SETD1B: variants seen among roughly 807,000 people sequenced by gnomAD.
The protein encoded by SETD1B is histone-lysine N-methyltransferase SETD1B.
Under a neutral mutation model 148.0 loss-of-function variants are expected in SETD1B, and 7 were observed. The ratio of observed to expected loss-of-function variants is 0.05; its 90% CI spans 0.03 to 0.09. SETD1B has a LOEUF of 0.09. Ranked by LOEUF, SETD1B falls within the 10% of genes least tolerant of loss-of-function variation. The pLI, the probability that SETD1B is intolerant of heterozygous loss-of-function variation, is 1.00. For synonymous variants in SETD1B, 1,361 were observed against 1,186.5 expected, an observed-to-expected ratio of 1.15 and a Z score of -3.02; for missense variants, 2,155 against 2,729.9, an observed-to-expected ratio of 0.79 and a Z score of 4.69.
the SETD1B span, chr12:121,793,038 C>G: frequency 6.6e-6 from 6 of 902,584 alleles, no homozygotes; most frequent in African/African-American, 8.3e-5. Context: ...AGTGAAGAGC[C>G]GGCCAAGGCC....
At position 121,825,161 on chromosome 12, in the gene SETD1B, G is replaced by A. The variant is rs1164925356; in HGVS notation, c.5171-39G>A. On this transcript the variant is annotated intron_variant, in intron 12 of 16. Transcript: ENST00000604567. The stretch of plus-strand genomic sequence containing the variant: ...CCAGTCTATGAAGGGACCAGAAGGG[G>A]CTCTCAGAATGTCCATGTGGCCCTT... 3 of 1,545,270 alleles carry A rather than the reference G, an allele frequency of 1.9e-6. No individual in the cohort carries two copies. In the East Asian group the frequency reaches 7.3e-5, roughly 38 times the overall value.
At chr12:121,829,407 G>T (rs1461656087) in intron 16 of SETD1B, among the ~76,000 whole-genome samples, 2 of 152,316 alleles carry the variant, frequency 1.3e-5, no homozygotes, top group East Asian at 3.9e-4. Context: ...GATCTGGACT[G>T]AAGGAGGCAG....
At chr12:121,801,850 G>A (rs1875382553), upstream of SETD1B, 1 of 152,086 alleles carries the variant, frequency 6.6e-6, no homozygotes, top group Non-Finnish European at 1.5e-5. Flanking sequence ...GAGACAAAAG[G>A]CGAAAATACA....
At chr12:121,797,706 C>T in the SETD1B span, 3 of 422,804 alleles carry the variant, frequency 7.1e-6, no homozygotes, top group Non-Finnish European at 1.4e-5. Flanking sequence ...AGACCCCACC[C>T]GGAGAGCAAC....
rs1875988822 is a variant in SETD1B at position 121,810,667 on chromosome 12, A to G, written c.1722A>G (p.Pro574=). The part of the protein sequence containing the change: ...PSSTGLEDIS[P]TPLPDSDEDE... ...GCACCGGCCTGGAGGATATCAGCCC[A>G]ACACCCCTCCCAGACTCCGACGAGG... Residue 574 remains proline, a synonymous_variant, in exon 6 of 17, where the codon CCA becomes CCG. Coordinates refer to ENST00000604567, the MANE Select transcript of SETD1B (RefSeq NM_001353345.2). This position sits in a 1 kb window ranked among gnomAD's most constrained non-coding sequence, Gnocchi z 7.6. 6.5e-7 allele frequency: 1 copy of G among 1,549,892 alleles called. No homozygotes were observed. Among genetic ancestry groups the G allele is most frequent in the Non-Finnish European group, 8.7e-7 (1 of 1,146,790 alleles).
intron 5 of SETD1B, 140 bp from the exon 6 acceptor site, chr12:121,809,463 C>G (rs1197797009): frequency 9.7e-6 from 9 of 930,290 alleles, no homozygotes. Flanking sequence ...CCTCCTCAAT[C>G]TCCCCCACTT....
rs77419625 is a variant in SETD1B, at chr12:121,811,847, A to G, written c.1890+1012A>G. 6.6e-3 allele frequency among the ~76,000 whole-genome samples: 1,000 copies of G among 152,194 alleles called. 10 individuals are homozygous for G. The highest frequency in any genetic ancestry group is 0.023 in the African/African-American group (962 of 41,514). On this transcript the variant is annotated intron_variant, in intron 6 of 16. Transcript: ENST00000604567. The stretch of plus-strand genomic sequence containing the variant: ...TGGCTGGGGCTCCAGGGGGCCTCCA[A>G]GCAGTTCTGGGGAAGTGGTTTCTGG...
rs901991850 is a variant in SETD1B at position 121,823,718 on chromosome 12, G to C, written c.5139G>C (p.Trp1713Cys). 1 of 1,551,128 alleles carries C rather than the reference G, an allele frequency of 6.4e-7. No homozygotes were observed. The highest frequency in any genetic ancestry group is 1.4e-5 in the African/African-American group (1 of 73,024). The change falls in exon 12 of 17, where the codon TGG (tryptophan) becomes TGC (cysteine). Residue 1713 changes from tryptophan (W) to cysteine (C), a missense_variant. Around this residue, in one of 11 missense-constraint regions of SETD1B, gnomAD observed 96 missense variants for 148.7 expected, o/e 0.65. Coordinates refer to ENST00000604567, the MANE Select transcript of SETD1B (RefSeq NM_001353345.2). ...TACAGCAGGACAATGGCATGGACTG[G>C]CTTAACGACACGCTCTGGGTCTACC... ...RLLQQDNGMD[W>C]LNDTLWVYHP...
Position 121,805,562 on chromosome 12 carries a change from G to A in SETD1B, c.274-273G>A, listed in dbSNP as rs930947081. ...CAGCAGGAAGAGAAGGCCAGAAAGG[G>A]GGGTGGGGAAAGAGAAACTGTTTCT... is the stretch of plus-strand genomic sequence containing the variant. On this transcript the variant is annotated intron_variant, in intron 3 of 16. Transcript: ENST00000604567. The surrounding 1 kb of genome is among the most constrained non-coding windows in gnomAD (Gnocchi z 4.2). Among the ~76,000 whole-genome samples the A allele has an allele frequency of 3.3e-5, 5 of 152,158 alleles. No homozygotes were observed. Among genetic ancestry groups the A allele is most frequent in the Admixed American group, 6.5e-5 (1 of 15,282 alleles).
intron 6 of SETD1B, among the ~76,000 whole-genome samples, chr12:121,812,247 C>T (rs984278976): frequency 1.3e-5 from 2 of 152,062 alleles, no homozygotes; most frequent in Admixed American, 1.3e-4. Flanking sequence ...GCGGCGCAGG[C>T]GGGGCCAGCC....
Position 121,822,511 on chromosome 12 carries a change from C to T in SETD1B, c.3932C>T (p.Pro1311Leu), listed in dbSNP as rs554437974. 3.0e-5 allele frequency: 47 copies of T among 1,545,770 alleles called. No individual in the cohort carries two copies. The South Asian group carries it at 3.1e-4, about 10-fold the overall frequency. ...GCAGAACATGACCTGGAAGTGGAGCCGGAGCCCCCTATGATGCTCCCCTTG... is the reference window on the plus strand; with the variant it reads ...GCAGAACATGACCTGGAAGTGGAGCTGGAGCCCCCTATGATGCTCCCCTTG... ...RAPEHDLEVEPEPPMMLPLPL... is the reference protein window; with the variant it reads ...RAPEHDLEVELEPPMMLPLPL... The change falls in exon 12 of 17, where the codon CCG becomes CTG. Residue 1311 changes from proline (P) to leucine (L), a missense_variant. By Grantham distance (98) the Pro-to-Leu change is moderately conservative. Transcript: ENST00000604567.
intron 12 of SETD1B, among the ~76,000 whole-genome samples, chr12:121,824,431 G>A (rs919423248): frequency 3.3e-5 from 5 of 152,182 alleles, no homozygotes; most frequent in Non-Finnish European, 7.4e-5. Context: ...CGGATCACTC[G>A]AGGCCAGAAG....
In SETD1B at chr12:121,830,052, C is replaced by A. The variant is rs547508475; in HGVS notation, c.5728-14C>A. ...GGGACCAGGGGCTCATTCTCCCCCC[C>A]ACCTTGCCTGCAGCCCAACTGCTAT... On this transcript the variant is annotated splice_polypyrimidine_tract_variant and intron_variant, in intron 16 of 16. Coordinates refer to ENST00000604567, the MANE Select transcript of SETD1B (RefSeq NM_001353345.2). The surrounding 1 kb of genome is among the most constrained non-coding windows in gnomAD (Gnocchi z 5.7). 6.9e-5 allele frequency: 106 copies of A among 1,546,252 alleles called. No homozygotes were observed. The highest frequency in any genetic ancestry group is 2.2e-4 in the East Asian group (9 of 40,788).
At chr12:121,811,473 A>T (rs926718865) in intron 6 of SETD1B, among the ~76,000 whole-genome samples, 5 of 152,094 alleles carry the variant, frequency 3.3e-5, no homozygotes, top group African/African-American at 1.2e-4. Context: ...AGAAAAAGGC[A>T]AAGTTGACCA....
At position 121,822,498 on chromosome 12, in the gene SETD1B, C is replaced by A; in HGVS notation, c.3919C>A (p.Leu1307Met). 1 of 1,544,168 alleles carries A rather than the reference C, an allele frequency of 6.5e-7. No individual in the cohort carries two copies. Among genetic ancestry groups the A allele is most frequent in the South Asian group, 1.2e-5 (1 of 83,436 alleles). The part of the protein sequence containing the change: ...LSPERAPEHD[L>M]EVEPEPPMML... ...CGCTCACCTCTCTGCAGAACATGAC[C>A]TGGAAGTGGAGCCGGAGCCCCCTAT... Residue 1307 changes from leucine (L) to methionine (M), a missense_variant, in exon 12 of 17, where the codon CTG (leucine) becomes ATG (methionine). Physicochemically the swap from Leu to Met is conservative, Grantham distance 15. Coordinates refer to ENST00000604567, the MANE Select transcript of SETD1B (RefSeq NM_001353345.2).
rs67605254 is a variant in SETD1B at position 121,805,689 on chromosome 12, ATTTTT to A, written c.274-134_274-130del. On this transcript the variant is annotated intron_variant, in intron 3 of 16. Coordinates refer to ENST00000604567, the MANE Select transcript of SETD1B (RefSeq NM_001353345.2). The surrounding 1 kb of genome is among the most constrained non-coding windows in gnomAD (Gnocchi z 4.2). ...CGTGCATTTTTTTTTTCCAAAAAAA[ATTTTT>A]TTTTTTTTTTTAATTTTTAGTTTTT... The A allele has an allele frequency of 7.3e-6, 4 of 546,778 alleles. No homozygotes were observed. Among genetic ancestry groups the A allele is most frequent in the Admixed American group, 4.4e-5 (1 of 22,746 alleles). 33.9% of individuals were successfully genotyped at this position (546,778 alleles called of 1,614,324 possible). A position where few individuals can be genotyped will look rare whatever the true frequency, so the allele number is the denominator to read the frequency against.
intron 11 of SETD1B, among the ~76,000 whole-genome samples, chr12:121,821,621 C>G (rs1033492293): frequency 6.7e-6 from 1 of 149,142 alleles, no homozygotes; most frequent in Non-Finnish European, 1.5e-5. Flanking sequence ...CGTGGTGGCA[C>G]GTGCCTGTAA....
rs1418632463 is a variant in SETD1B, at chr12:121,817,615, G to A, written c.3223G>A (p.Glu1075Lys). Residue 1075 changes from glutamate (E) to lysine (K), a missense_variant, in exon 9 of 17, where the codon GAG becomes AAG. Glu to Lys is a moderately conservative substitution (Grantham distance 56, BLOSUM62 1). Transcript: ENST00000604567. The surrounding 1 kb of genome is among the most constrained non-coding windows in gnomAD (Gnocchi z 8.1). ...SDKEEEQEST[E>K]EEEEAEEEEE... is the part of the protein sequence containing the mutation. Reference sequence around the variant, plus strand: ...CAAGGAGGAGGAACAGGAGAGCACCGAGGAGGAAGAGGAGGCGGAGGAGGA... The same window carrying A: ...CAAGGAGGAGGAACAGGAGAGCACCAAGGAGGAAGAGGAGGCGGAGGAGGA... 1.2e-5 allele frequency: 19 copies of A among 1,551,354 alleles called. No individual in the cohort carries two copies. In the Admixed American group the frequency reaches 1.8e-4, roughly 14 times the overall value.
chr12:121,804,654 T>C lies in SETD1B; in HGVS notation c.-14-70T>C. On this transcript the variant is annotated intron_variant, in intron 1 of 16. Coordinates refer to ENST00000604567, the MANE Select transcript of SETD1B (RefSeq NM_001353345.2). This position sits in a 1 kb window ranked among gnomAD's most constrained non-coding sequence, Gnocchi z 4.6. ...GGGTGGGGGCCTGCCGATTGGATTC[T>C]TTCGCGTGTGTGTAGAAGCGGCCGC... 7.2e-7 allele frequency: 1 copy of C among 1,386,766 alleles called. No individual in the cohort carries two copies. The highest frequency in any genetic ancestry group is 9.8e-7 in the Non-Finnish European group (1 of 1,020,278). The allele number at this position is 1,386,766 out of a possible 1,614,324, so 85.9% of individuals were successfully genotyped here.
Sources: gnomAD v4.1 joint callset for allele counts (sites outside exome capture counted in the v4.1 genomes callset) on GRCh38, gnomAD v4.1.1 for gene constraint, gnomAD v4.1.1 regional missense constraint, Gnocchi (gnomAD v3.1) non-coding constraint, MANE v1.5 for transcripts, NCBI Gene and HGNC (gene_info 2026-07-23, HGNC 2026-07-21) for gene names.